CC2D2B: variants seen among roughly 807,000 people sequenced by gnomAD.
CC2D2B encodes the protein protein CC2D2B.
In CC2D2B, 128 loss-of-function variants were observed where a neutral mutation model predicts 161.2. That is an observed-to-expected ratio of 0.79 (90% CI 0.69 to 0.92). The LOEUF is 0.92. Ranked by LOEUF, CC2D2B falls within the 40% of genes least tolerant of loss-of-function variation. The pLI is 0.00. For synonymous variants in CC2D2B, 391 were observed against 449.8 expected (o/e 0.87, Z 1.65); for missense variants, 1,173 against 1,375.1 (o/e 0.85, Z 2.32).
chr10:95,991,874 T>C (rs1215247761), intron 21 of CC2D2B, among the ~76,000 whole-genome samples: 1 of 152,248 alleles, frequency 6.6e-6, no homozygotes, highest in East Asian at 1.9e-4. Context: ...ACAAAGGTAC[T>C]GAGATCCACA....
intron 26 of CC2D2B, among the ~76,000 whole-genome samples, chr10:96,011,692 G>A (rs1472742678): frequency 4.0e-5 from 6 of 151,788 alleles, no homozygotes; most frequent in Admixed American, 6.6e-5. Flanking sequence ...GACCACAGGT[G>A]TGCACCACCA....
intron 17 of CC2D2B, among the ~76,000 whole-genome samples, chr10:95,974,729 C>A (rs764269818): frequency 3.3e-5 from 5 of 152,076 alleles, no homozygotes; most frequent in Non-Finnish European, 7.4e-5. Context: ...CATCTTAACA[C>A]ATATTTTTAA....
At chr10:95,933,167 C>T (rs987316364) in intron 6 of CC2D2B, among the ~76,000 whole-genome samples, 1 of 151,934 alleles carries the variant, frequency 6.6e-6, no homozygotes, top group Non-Finnish European at 1.5e-5. Context: ...TCTGCTTGAT[C>T]GATTCAGCTG....
intron 6 of CC2D2B, among the ~76,000 whole-genome samples, chr10:95,933,875 G>T (rs1373260664): frequency 6.6e-6 from 1 of 152,202 alleles, no homozygotes; most frequent in East Asian, 1.9e-4. Flanking sequence ...ACCACTTGAG[G>T]AGGGAGTCTG....
chr10:95,982,260 CA>C, intron 18 of CC2D2B, 147 bp downstream of exon 18: 1 of 461,324 alleles, frequency 2.2e-6, no homozygotes, highest in Non-Finnish European at 3.5e-6. Context: ...AGACCATTTT[CA>C]ACCAGTGTAC....
intron 22 of CC2D2B, among the ~76,000 whole-genome samples, chr10:95,994,543 A>G (rs1451709777): frequency 6.6e-6 from 1 of 152,180 alleles, no homozygotes; most frequent in African/African-American, 2.4e-5. Flanking sequence ...AGAAGCTGGT[A>G]GAGCAGAGTG....
At chr10:96,029,397 G>GA (rs1181116693) in intron 34 of CC2D2B, among the ~76,000 whole-genome samples, 1 of 150,464 alleles carries the variant, frequency 6.6e-6, no homozygotes, top group Non-Finnish European at 1.5e-5. Flanking sequence ...ATGTGTTGAA[G>GA]AATTATTACT....
chr10:95,917,297 G>A lies in CC2D2B; in HGVS notation c.37-4719G>A, dbSNP rs139094207. ...TGAAATGTGTTTCTTATGGGTCATT[G>A]AGTCTTGATTTTTTTATCCGTTCAG... On this transcript the variant is annotated intron_variant, in intron 2 of 34. Coordinates refer to ENST00000646931, the MANE Select transcript of CC2D2B (RefSeq NM_001349008.3). Among the ~76,000 whole-genome samples the A allele has an allele frequency of 2.7e-3, 415 of 152,144 alleles. 1 individual carries two copies. Among genetic ancestry groups the A allele is most frequent in the African/African-American group, 9.7e-3 (404 of 41,526 alleles).
At position 95,993,962 on chromosome 10, in the gene CC2D2B, A is replaced by G. The variant is rs1407321517; in HGVS notation, c.2642+1265A>G. On this transcript the variant is annotated intron_variant, in intron 22 of 34. Transcript: ENST00000646931. The stretch of plus-strand genomic sequence containing the variant: ...TGTGTGTATGTATGTGTATATATAT[A>G]TATATATATATATATATATATATAT... 2.0e-3 allele frequency among the ~76,000 whole-genome samples: 46 copies of G among 23,384 alleles called. 1 individual carries two copies. The highest frequency in any genetic ancestry group is 7.7e-3 in the African/African-American group (44 of 5,706). The allele number at this position is 23,384 out of a possible 152,430, so 15.3% of individuals were successfully genotyped here.
In CC2D2B at chr10:96,025,191, AAATATATATATAT is replaced by A. The variant is rs1564684461; in HGVS notation, c.3947+282_3947+294del. Among the ~76,000 whole-genome samples the A allele has an allele frequency of 1.8e-4, 9 of 50,742 alleles. 1 individual carries two copies. The highest frequency in any genetic ancestry group is 7.1e-4 in the African/African-American group (9 of 12,652). The allele number at this position is 50,742 out of a possible 152,430, so 33.3% of individuals were successfully genotyped here. On this transcript the variant is annotated intron_variant, in intron 33 of 34. Transcript: ENST00000646931. ...TATATATATATATATATATAAAAAA[AAATATATATATAT>A]ATATATATATATATATAGCTGGGCA...
chr10:96,023,354 C>T (rs1411371267), intron 32 of CC2D2B, among the ~76,000 whole-genome samples: 1 of 152,144 alleles, frequency 6.6e-6, no homozygotes, highest in Non-Finnish European at 1.5e-5. Context: ...ATTGTGAACA[C>T]AAATTTGAAT....
At chr10:95,950,561 AC>A (rs775167750) in intron 10 of CC2D2B, 3 of 152,258 alleles carry the variant, frequency 2.0e-5, no homozygotes, top group Non-Finnish European at 4.4e-5. Context: ...CCCACTGATT[AC>A]TTTTATAAAC....
At chr10:95,994,581 C>A (rs555243969) in intron 22 of CC2D2B, among the ~76,000 whole-genome samples, 1 of 152,182 alleles carries the variant, frequency 6.6e-6, no homozygotes. Context: ...GGAAAGGAGA[C>A]TCCTTTCACA....
At chr10:96,026,450 C>T (rs1017622324) in intron 33 of CC2D2B, among the ~76,000 whole-genome samples, 2 of 152,128 alleles carry the variant, frequency 1.3e-5, no homozygotes, top group African/African-American at 2.4e-5. Flanking sequence ...ACTCTGCTTG[C>T]TAAATTAACT....
chr10:95,985,404 CTA>C (rs200574701), intron 19 of CC2D2B, among the ~76,000 whole-genome samples: 1,705 of 152,268 alleles, frequency 0.011, 10 homozygotes, highest in Middle Eastern at 0.02. Context: ...GTTCCCCAAA[CTA>C]ATACTTTTAT....
At chr10:96,004,556 C>T (rs2078665190) in intron 25 of CC2D2B, among the ~76,000 whole-genome samples, 1 of 152,112 alleles carries the variant, frequency 6.6e-6, no homozygotes, top group African/African-American at 2.4e-5. Flanking sequence ...GAAATATAAA[C>T]AGAAATAGGT....
chr10:95,999,870 C>T (rs2078395998), intron 24 of CC2D2B: 2 of 484,870 alleles, frequency 4.1e-6, no homozygotes, highest in Non-Finnish European at 8.1e-6. Context: ...CAGGCTGGCA[C>T]TTCAGTTGAA....
intron 22 of CC2D2B, among the ~76,000 whole-genome samples, chr10:95,994,100 C>T (rs1011179812): frequency 6.7e-6 from 1 of 149,036 alleles, no homozygotes; most frequent in Non-Finnish European, 1.5e-5. Context: ...AAGAGAAAAC[C>T]GCTGGGCCCA....
At chr10:95,963,528 A>G (rs1473099433) in intron 12 of CC2D2B, among the ~76,000 whole-genome samples, 2 of 152,154 alleles carry the variant, frequency 1.3e-5, no homozygotes, top group Non-Finnish European at 1.5e-5. Flanking sequence ...AATAAGCATA[A>G]TTGAAGCCAT....
Sources: gnomAD v4.1 joint callset for allele counts (sites outside exome capture counted in the v4.1 genomes callset) on GRCh38, gnomAD v4.1.1 for gene constraint, MANE v1.5 for transcripts, NCBI Gene and HGNC (gene_info 2026-07-23, HGNC 2026-07-21) for gene names.